KLHL21: variants seen among roughly 807,000 people sequenced by gnomAD.
The protein encoded by KLHL21 is kelch like family member 21.
In KLHL21, 42 loss-of-function variants were observed where a neutral mutation model predicts 44.1. That is an observed-to-expected ratio of 0.95 (90% CI 0.74 to 1.23). The LOEUF (loss-of-function observed/expected upper bound fraction) is 1.23, where lower values mean the gene tolerates loss of function less well. KLHL21 is among the 50% of genes most tolerant of loss of function. The pLI is 0.00. For synonymous variants in KLHL21, 524 were observed against 411.6 expected, an observed-to-expected ratio of 1.27 and a Z score of -3.31; for missense variants, 918 against 889.1, an observed-to-expected ratio of 1.03 and a Z score of -0.41.
intron 2 of KLHL21, among the ~76,000 whole-genome samples, chr1:6,596,018 A>AC (rs1640923254): frequency 6.6e-6 from 1 of 152,150 alleles, no homozygotes; most frequent in Non-Finnish European, 1.5e-5. Flanking sequence ...ATGTTGAAGT[A>AC]CCCCTCACTT....
chr1:6,597,863 T>C (rs1346935299), intron 2 of KLHL21, among the ~76,000 whole-genome samples: 2 of 152,244 alleles, frequency 1.3e-5, no homozygotes, highest in East Asian at 1.9e-4. Flanking sequence ...AGCAGGATTA[T>C]GTGAACAAGC....
chr1:6,593,109 C>T lies in KLHL21; in HGVS notation c.*256G>A, dbSNP rs895946683. 12 of 503,118 alleles carry T rather than the reference C, an allele frequency of 2.4e-5. No homozygotes were observed. Among genetic ancestry groups the T allele is most frequent in the Non-Finnish European group, 3.6e-5 (10 of 281,064 alleles). 31.2% of individuals were successfully genotyped at this position (503,118 alleles called of 1,614,324 possible). A position where few individuals can be genotyped will look rare whatever the true frequency, so the allele number is the denominator to read the frequency against. ...GCTGTGATCCGCGGGGTGGGGGTGACCTCCAAGACCCAGAAACATGTGCTG... is the reference window on the plus strand; with the variant it reads ...GCTGTGATCCGCGGGGTGGGGGTGATCTCCAAGACCCAGAAACATGTGCTG... On this transcript the variant is annotated 3_prime_UTR_variant, in exon 4 of 4. Coordinates refer to ENST00000377658, the MANE Select transcript of KLHL21 (RefSeq NM_014851.4).
chr1:6,600,631 C>G (rs559499950), intron 1 of KLHL21, among the ~76,000 whole-genome samples: 1 of 152,384 alleles, frequency 6.6e-6, no homozygotes, highest in East Asian at 1.9e-4. Context: ...AAGGAATGAA[C>G]CAGCCACCTG....
At position 6,593,252 on chromosome 1, in the gene KLHL21, GA is replaced by G; in HGVS notation, c.*112del. The G allele has an allele frequency of 8.3e-7, 1 of 1,201,950 alleles. No individual in the cohort carries two copies. Among genetic ancestry groups the G allele is most frequent in the East Asian group, 2.4e-5 (1 of 41,360 alleles). The allele number at this position is 1,201,950 out of a possible 1,614,324, so 74.5% of individuals were successfully genotyped here. A position where few individuals can be genotyped will look rare whatever the true frequency, so the allele number is the denominator to read the frequency against. The stretch of plus-strand genomic sequence containing the variant: ...ATCCTGGGCTGGCTTCGCCACCCAA[GA>G]GCCTGTGCTCCTCCTGTGAGCCCAA... On this transcript the variant is annotated 3_prime_UTR_variant, in exon 4 of 4. Coordinates refer to ENST00000377658, the MANE Select transcript of KLHL21 (RefSeq NM_014851.4).
intron 3 of KLHL21, chr1:6,595,257 A>C (rs532490420): frequency 1.6e-6 from 1 of 636,696 alleles, no homozygotes; most frequent in Non-Finnish European, 2.9e-6. Context: ...GCAGATACTC[A>C]ATAAACACTG....
intron 3 of KLHL21, chr1:6,594,013 G>A: frequency 9.4e-7 from 1 of 1,060,102 alleles, no homozygotes; most frequent in Non-Finnish European, 1.1e-6. Context: ...GGAAAACTGA[G>A]GCTTGCATGG....
In KLHL21 at chr1:6,599,118, G is replaced by A. The variant is rs770163254; in HGVS notation, c.1356C>T (p.Asp452=). Residue 452 remains aspartate, a synonymous_variant, in exon 2 of 4, where the codon GAC becomes GAT. Transcript: ENST00000377658. ...AGGACCAGGGCGGGAGCTGGCCGCA[G>A]TCCACCAGCGACCACAGGTCGGTGT... The part of the protein sequence containing the change: ...DPDTDLWSLV[D]CGQLPPWSFA... 26 of 1,613,540 alleles carry A rather than the reference G, an allele frequency of 1.6e-5. No homozygotes were observed. Among genetic ancestry groups the A allele is most frequent in the Middle Eastern group, 1.6e-4 (1 of 6,062 alleles).
rs1231388252 is a variant in KLHL21, at chr1:6,602,319, C to A, written c.499G>T (p.Glu167Ter). 2 of 1,554,526 alleles carry A rather than the reference C, an allele frequency of 1.3e-6. No homozygotes were observed. Among genetic ancestry groups the A allele is most frequent in the Non-Finnish European group, 1.7e-6 (2 of 1,156,662 alleles). The change falls in exon 1 of 4, where the codon GAG becomes TAG. Residue 167 changes from glutamate (E) to a stop codon, truncating the protein, a stop_gained. Transcript: ENST00000377658. LOFTEE classifies it high-confidence loss of function. The stretch of plus-strand genomic sequence containing the variant: ...CGCTCCAGCTGCTCGGCGCCCAGCT[C>A]GCCCACGTGGCGCAGAATGAACCGC... ...AQRFILRHVG[E>*]LGAEQLERLP... is the part of the protein sequence containing the mutation.
At chr1:6,593,680 G>C in intron 3 of KLHL21, 22 bp from the exon 4 acceptor site, 2 of 1,552,138 alleles carry the variant, frequency 1.3e-6, no homozygotes, top group Non-Finnish European at 1.7e-6. Context: ...AGGGATGAGT[G>C]AGTGGAGGTC....
chr1:6,594,600 G>T (rs2148701072), intron 3 of KLHL21: 1 of 152,390 alleles, frequency 6.6e-6, no homozygotes, highest in South Asian at 2.1e-4. Context: ...CAGCTACTCG[G>T]GAGGTTGAGG....
intron 2 of KLHL21, among the ~76,000 whole-genome samples, chr1:6,598,118 A>T (rs1640953473): frequency 6.6e-6 from 1 of 152,226 alleles, no homozygotes; most frequent in South Asian, 2.1e-4. Context: ...AAGGAATGGA[A>T]CAAGCACTGT....
intron 1 of KLHL21, 52 bp downstream of exon 1, chr1:6,601,745 G>A: frequency 6.8e-7 from 1 of 1,480,806 alleles, no homozygotes; most frequent in East Asian, 2.5e-5. Context: ...CTGGGCTCCC[G>A]TACCGGCGAG....
intron 3 of KLHL21, 50 bp downstream of exon 3, chr1:6,595,435 A>G: frequency 1.3e-6 from 2 of 1,586,894 alleles, no homozygotes; most frequent in Non-Finnish European, 1.7e-6. Context: ...CTTGGGTTGC[A>G]AAATCAGGAC....
At chr1:6,596,768 G>A (rs1301841619) in intron 2 of KLHL21, among the ~76,000 whole-genome samples, 1 of 152,192 alleles carries the variant, frequency 6.6e-6, no homozygotes, top group African/African-American at 2.4e-5. Flanking sequence ...GCTGGACAGA[G>A]CTCGCCGGCA....
chr1:6,602,835 G>A lies in KLHL21; in HGVS notation c.-18C>T, dbSNP rs962189537. On this transcript the variant is annotated 5_prime_UTR_variant, in exon 1 of 4. Transcript: ENST00000377658. ...CGCTCCATGGCGCCTTCGATAGGTT[G>A]TCGAGGACGCCGCGGCCGGGGCCTG... is the stretch of plus-strand genomic sequence containing the variant. The A allele has an allele frequency of 1.4e-5, 20 of 1,410,270 alleles. No homozygotes were observed. In the East Asian group the frequency reaches 1.8e-4, roughly 13 times the overall value. 87.4% of individuals were successfully genotyped at this position (1,410,270 alleles called of 1,614,324 possible).
In KLHL21 at chr1:6,602,133, C is replaced by A; in HGVS notation, c.685G>T (p.Val229Leu). Residue 229 changes from valine to leucine, a missense_variant, in exon 1 of 4, where the codon GTG becomes TTG. Val to Leu is a conservative substitution (Grantham distance 32). Coordinates refer to ENST00000377658, the MANE Select transcript of KLHL21 (RefSeq NM_014851.4). The stretch of plus-strand genomic sequence containing the variant: ...TGCGCCAACAGGTAGAAGCGGCGCA[C>A]GAAGGGCAGGCGCACGGCCTCCAGC... ...QLLEAVRLPFVRRFYLLAHVE... is the reference protein window; with the variant it reads ...QLLEAVRLPFLRRFYLLAHVE... 7.0e-7 allele frequency: 1 copy of A among 1,428,110 alleles called. No homozygotes were observed. The highest frequency in any genetic ancestry group is 9.1e-7 in the Non-Finnish European group (1 of 1,099,696). 88.5% of individuals were successfully genotyped at this position (1,428,110 alleles called of 1,614,324 possible). A position where few individuals can be genotyped will look rare whatever the true frequency, so the allele number is the denominator to read the frequency against.
intron 3 of KLHL21, 105 bp from the exon 4 acceptor site, chr1:6,593,763 G>C: frequency 7.0e-7 from 1 of 1,426,084 alleles, no homozygotes; most frequent in Non-Finnish European, 9.2e-7. Context: ...GTACCCCAGA[G>C]GGGTGGCCTT....
chr1:6,595,122 G>C (rs72864464), intron 3 of KLHL21: 15,460 of 503,726 alleles, frequency 0.031, 415 homozygotes, highest in South Asian at 0.1. Context: ...GGCTGCTGGT[G>C]TATCTAAGAA....
chr1:6,593,381 G>A lies in KLHL21; in HGVS notation c.1778C>T (p.Pro593Leu), dbSNP rs759354176. 6.3e-7 allele frequency: 1 copy of A among 1,599,030 alleles called. No individual in the cohort carries two copies. Among genetic ancestry groups the A allele is most frequent in the Non-Finnish European group, 8.5e-7 (1 of 1,173,188 alleles). ...DPGRPRPPRD[P>L]DELH ...AGACTGGGGCTAGTGCAGCTCATCGGGGTCCCGCGGCGGCCGGGGTCGGCC... is the reference window on the plus strand; with the variant it reads ...AGACTGGGGCTAGTGCAGCTCATCGAGGTCCCGCGGCGGCCGGGGTCGGCC... Residue 593 changes from proline to leucine, a missense_variant, in exon 4 of 4, where the codon CCC becomes CTC. By Grantham distance (98) the Pro-to-Leu change is moderately conservative (BLOSUM62 -3). Coordinates refer to ENST00000377658, the MANE Select transcript of KLHL21 (RefSeq NM_014851.4).
Sources: gnomAD v4.1 joint callset for allele counts (sites outside exome capture counted in the v4.1 genomes callset) on GRCh38, gnomAD v4.1.1 for gene constraint, MANE v1.5 for transcripts, NCBI Gene and HGNC (gene_info 2026-07-23, HGNC 2026-07-21) for gene names.